Variants in CLASP2 observed in about 807,000 individuals in gnomAD.
The protein encoded by CLASP2 is CLIP-associating protein 2.
CLASP2 carries 47 observed loss-of-function variants against 194.4 expected under a neutral mutation model. The observed-to-expected ratio is 0.24, with a 90% confidence interval of 0.19 to 0.31. The LOEUF is 0.31. CLASP2 is among the 10% of genes least tolerant of loss of function. CLASP2 has a pLI of 1.00. For missense variants in CLASP2, 1,445 were observed against 1,823.6 expected (o/e 0.79, Z 3.78); for synonymous variants, 619 against 633.5 (o/e 0.98, Z 0.34).
Position 33,567,482 on chromosome 3 carries a change from T to C in CLASP2, c.2764-748A>G, listed in dbSNP as rs554494912. Among the ~76,000 whole-genome samples, 5 of 152,320 alleles carry C rather than the reference T, an allele frequency of 3.3e-5. No individual in the cohort carries two copies. In the South Asian group the frequency reaches 1.0e-3, roughly 32 times the overall value. On this transcript the variant is annotated intron_variant, in intron 26 of 38. Transcript: ENST00000682230. The stretch of plus-strand genomic sequence containing the variant: ...AAGCATGCACCACAGTGAAGGCAGT[T>C]CTTTCCAGAGTCAAGTGCCAGAAAT...
chr3:33,561,516 A>G (rs1475933008), intron 27 of CLASP2, among the ~76,000 whole-genome samples: 2 of 152,264 alleles, frequency 1.3e-5, no homozygotes, highest in Non-Finnish European at 2.9e-5. Context: ...TGGTAATTTT[A>G]AATGATTTAA....
At chr3:33,630,292 G>A (rs1451578612) in intron 9 of CLASP2, among the ~76,000 whole-genome samples, 1 of 152,152 alleles carries the variant, frequency 6.6e-6, no homozygotes, top group East Asian at 1.9e-4. Context: ...TGAGGAAACT[G>A]AAGTACAGAG....
chr3:33,681,332 G>A (rs1196295790), intron 6 of CLASP2, among the ~76,000 whole-genome samples: 3 of 152,106 alleles, frequency 2.0e-5, no homozygotes, highest in African/African-American at 7.2e-5. Context: ...GCTTATTTCT[G>A]AGACAATCTT....
chr3:33,616,873 G>T (rs1305209337), intron 12 of CLASP2, among the ~76,000 whole-genome samples: 1 of 151,244 alleles, frequency 6.6e-6, no homozygotes, highest in African/African-American at 2.4e-5. Context: ...GAGTAGCTGG[G>T]ATTACAGGCA....
At chr3:33,550,713 A>G (rs2059884619) in intron 30 of CLASP2, among the ~76,000 whole-genome samples, 1 of 152,200 alleles carries the variant, frequency 6.6e-6, no homozygotes, top group African/African-American at 2.4e-5. Context: ...TAACGTTTCT[A>G]TAAGAAAGCA....
chr3:33,510,426 G>T, intron 37 of CLASP2, 132 bp downstream of exon 37: 1 of 796,812 alleles, frequency 1.3e-6, no homozygotes, highest in Non-Finnish European at 2.0e-6. Context: ...GTTATGAAAA[G>T]TCTTTGTCCT....
chr3:33,560,146 TG>T (rs879560608), intron 28 of CLASP2, among the ~76,000 whole-genome samples: 11 of 152,156 alleles, frequency 7.2e-5, no homozygotes, highest in Admixed American at 3.9e-4. Context: ...AATATTTAAA[TG>T]CATAATAAAA....
At chr3:33,531,775 CAAAACAAAAACA>C (rs367939263) in intron 34 of CLASP2, among the ~76,000 whole-genome samples, 19 of 151,772 alleles carry the variant, frequency 1.3e-4, no homozygotes, top group African/African-American at 1.9e-4. Flanking sequence ...AACTCTGTCT[CAAAACAAAAACA>C]AAAACAAAAA....
intron 26 of CLASP2, among the ~76,000 whole-genome samples, chr3:33,568,610 T>G (rs1220476529): frequency 6.8e-6 from 1 of 147,700 alleles, no homozygotes; most frequent in East Asian, 2.0e-4. Context: ...ATTTTAATGT[T>G]CATAAATAAA....
chr3:33,601,964 G>A (rs2072329637), intron 18 of CLASP2, among the ~76,000 whole-genome samples: 1 of 151,654 alleles, frequency 6.6e-6, no homozygotes, highest in Admixed American at 6.6e-5. Flanking sequence ...ATACTTAAAT[G>A]ACTGAGCATC....
intron 1 of CLASP2, among the ~76,000 whole-genome samples, chr3:33,716,991 A>G (rs1036034334): frequency 6.6e-6 from 1 of 152,238 alleles, no homozygotes; most frequent in Non-Finnish European, 1.5e-5. Context: ...AAAAGTAACT[A>G]CTAACGACTA....
At chr3:33,527,913 A>G (rs937962334) in intron 34 of CLASP2, among the ~76,000 whole-genome samples, 1 of 152,194 alleles carries the variant, frequency 6.6e-6, no homozygotes, top group African/African-American at 2.4e-5. Context: ...CAGAGAGCCG[A>G]GATCATGCTG....
chr3:33,574,055 C>G (rs1294710091), intron 24 of CLASP2, among the ~76,000 whole-genome samples: 2 of 152,078 alleles, frequency 1.3e-5, no homozygotes, highest in East Asian at 3.9e-4. Flanking sequence ...ACATCTAAAT[C>G]TTATTTGTTT....
chr3:33,645,564 T>C (rs73826763), intron 7 of CLASP2: 6,118 of 432,576 alleles, frequency 0.014, 325 homozygotes, highest in African/African-American at 0.11. Flanking sequence ...AAATTCTCCA[T>C]GCATCTAAAA....
intron 33 of CLASP2, among the ~76,000 whole-genome samples, 153 bp downstream of exon 33, chr3:33,538,636 G>C (rs1252056354): frequency 2.0e-5 from 3 of 152,220 alleles, no homozygotes; most frequent in Non-Finnish European, 4.4e-5. Context: ...GCCTCAAACA[G>C]TGCCTGGTAT....
chr3:33,576,484 T>C (rs989749092), intron 23 of CLASP2: 11 of 507,996 alleles, frequency 2.2e-5, no homozygotes, highest in African/African-American at 2.2e-4. Flanking sequence ...GTGTGAAAAA[T>C]AAAGAACGGT....
intron 22 of CLASP2, 72 bp from the exon 23 acceptor site, chr3:33,582,000 GT>G (rs11437940): frequency 2.7e-6 from 3 of 1,102,046 alleles, no homozygotes; most frequent in East Asian, 5.1e-5. Flanking sequence ...AAAAAATTTT[GT>G]TTTTTTCTTT....
chr3:33,629,275 C>A (rs979594836), intron 9 of CLASP2, among the ~76,000 whole-genome samples: 1 of 152,114 alleles, frequency 6.6e-6, no homozygotes, highest in African/African-American at 2.4e-5. Context: ...AAGAGATAAA[C>A]AGAAAGAGCT....
At chr3:33,500,125 T>G (rs1483319032) in intron 38 of CLASP2, among the ~76,000 whole-genome samples, 2 of 152,106 alleles carry the variant, frequency 1.3e-5, no homozygotes, top group Non-Finnish European at 2.9e-5. Flanking sequence ...CTGAATCTCC[T>G]GGGCTCAGGC....
Sources: gnomAD v4.1 joint callset for allele counts (sites outside exome capture counted in the v4.1 genomes callset) on GRCh38, gnomAD v4.1.1 for gene constraint, MANE v1.5 for transcripts, NCBI Gene and HGNC (gene_info 2026-07-23, HGNC 2026-07-21) for gene names.